PPP2R3A: variants seen among roughly 807,000 people sequenced by gnomAD.
PPP2R3A encodes protein phosphatase 2 regulatory subunit B''alpha.
In PPP2R3A, 80 loss-of-function variants were observed where a neutral mutation model predicts 106.9. The observed-to-expected ratio is 0.75, with a 90% CI of 0.62 to 0.90. The LOEUF (loss-of-function observed/expected upper bound fraction) is 0.90. Among genes scored for constraint, PPP2R3A ranks in the 40% least tolerant of loss-of-function variants. The pLI is 0.00. For missense variants in PPP2R3A, 1,386 were observed against 1,350.4 expected, an observed-to-expected ratio of 1.03 and a Z score of -0.41; for synonymous variants, 483 against 468.3, an observed-to-expected ratio of 1.03 and a Z score of -0.41.
chr3:136,079,233 G>A (rs1357714813), intron 7 of PPP2R3A: 1 of 451,676 alleles, frequency 2.2e-6, no homozygotes, highest in South Asian at 1.6e-5. Flanking sequence ...CATCATCACA[G>A]TCAGTGTTGA....
chr3:136,000,635 C>CA (rs1382536464), intron 1 of PPP2R3A, among the ~76,000 whole-genome samples: 1 of 152,044 alleles, frequency 6.6e-6, no homozygotes, highest in African/African-American at 2.4e-5. Context: ...AAGGTTGGTG[C>CA]AGGGACATAG....
At chr3:136,118,995 A>G (rs951469322) in intron 13 of PPP2R3A, among the ~76,000 whole-genome samples, 2 of 152,344 alleles carry the variant, frequency 1.3e-5, no homozygotes, top group East Asian at 3.9e-4. Flanking sequence ...AGTAACAAAA[A>G]CAGCATGATA....
chr3:136,137,817 A>G (rs968898186), intron 13 of PPP2R3A, among the ~76,000 whole-genome samples: 3 of 152,220 alleles, frequency 2.0e-5, no homozygotes, highest in Middle Eastern at 6.8e-3. Flanking sequence ...CTGGGATTAC[A>G]GGCGTGAGCC....
rs1196380294 is a variant in PPP2R3A, at chr3:136,003,115, T to A, written c.1617T>A (p.Phe539Leu). 12 of 1,611,214 alleles carry A rather than the reference T, an allele frequency of 7.4e-6. No homozygotes were observed. The Admixed American group carries it at 2.0e-4, about 27-fold the overall frequency. The change falls in exon 2 of 14, where the codon TTT becomes TTA. Residue 539 changes from phenylalanine (F) to leucine (L), a missense_variant. Transcript: ENST00000264977. Reference protein sequence around the residue: ...EPLAKGKNSNFLNSHSQLTGQ... With the variant: ...EPLAKGKNSNLLNSHSQLTGQ... ...TTGCGAAGGGTAAAAACTCTAATTT[T>A]TTAAATAGTCACAGTCAGTTGACCG...
intron 3 of PPP2R3A, among the ~76,000 whole-genome samples, chr3:136,031,166 G>A (rs1424405465): frequency 6.6e-6 from 1 of 152,078 alleles, no homozygotes; most frequent in Non-Finnish European, 1.5e-5. Flanking sequence ...CAGGGGTAAG[G>A]TGGTATCACA....
At chr3:136,135,082 G>C (rs1263924649) in intron 13 of PPP2R3A, among the ~76,000 whole-genome samples, 3 of 151,322 alleles carry the variant, frequency 2.0e-5, no homozygotes, top group African/African-American at 7.4e-5. Context: ...GTAGCACTGA[G>C]AGAACGTGCC....
At chr3:136,073,752 ATCT>A in intron 6 of PPP2R3A, among the ~76,000 whole-genome samples, 1 of 152,382 alleles carries the variant, frequency 6.6e-6, no homozygotes, top group East Asian at 1.9e-4. Flanking sequence ...TAGACTGGTT[ATCT>A]TCTCCTCAGT....
At chr3:136,019,395 C>T (rs1265857831) in intron 2 of PPP2R3A, among the ~76,000 whole-genome samples, 1 of 152,152 alleles carries the variant, frequency 6.6e-6, no homozygotes, top group African/African-American at 2.4e-5. Flanking sequence ...GTTAGTTCCT[C>T]CAGGAGAAAT....
chr3:136,076,651 A>G (rs1460464074), intron 6 of PPP2R3A, among the ~76,000 whole-genome samples: 1 of 152,168 alleles, frequency 6.6e-6, no homozygotes, highest in African/African-American at 2.4e-5. Flanking sequence ...ACCACCTGAT[A>G]TATAGAAAGC....
intron 13 of PPP2R3A, among the ~76,000 whole-genome samples, chr3:136,126,861 C>G (rs1051983881): frequency 6.6e-6 from 1 of 152,090 alleles, no homozygotes; most frequent in Admixed American, 6.5e-5. Flanking sequence ...CTGGTGATAC[C>G]CCGGCAAACA....
chr3:135,982,697 G>T (rs953832460), intron 1 of PPP2R3A, among the ~76,000 whole-genome samples: 4 of 152,050 alleles, frequency 2.6e-5, no homozygotes, highest in Non-Finnish European at 4.4e-5. Context: ...CTCCCCTTTG[G>T]ATTCTTGAAG....
At position 136,089,620 on chromosome 3, in the gene PPP2R3A, T is replaced by TA. The variant is rs891885941; in HGVS notation, c.2838-949dup. 1.3e-4 allele frequency among the ~76,000 whole-genome samples: 20 copies of TA among 151,112 alleles called. No homozygotes were observed. The East Asian group carries it at 1.4e-3, about 10-fold the overall frequency. On this transcript the variant is annotated intron_variant, in intron 9 of 13. Transcript: ENST00000264977. ...AATGGTGTTGTTTTTTTTTTTTTCT[T>TA]AAAAAAAAACTAGTCTGTGAAAAAC... is the stretch of plus-strand genomic sequence containing the variant.
intron 1 of PPP2R3A, among the ~76,000 whole-genome samples, chr3:135,976,830 T>TAAA (rs1229775358): frequency 6.6e-6 from 1 of 152,172 alleles, no homozygotes; most frequent in Non-Finnish European, 1.5e-5. Flanking sequence ...GATATTTAAG[T>TAAA]TCATCTGAAA....
chr3:136,141,143 A>C (rs1206369259), intron 13 of PPP2R3A, among the ~76,000 whole-genome samples: 1 of 152,248 alleles, frequency 6.6e-6, no homozygotes, highest in Middle Eastern at 3.2e-3. Flanking sequence ...TAATTATGTA[A>C]ATATGAAGGA....
chr3:136,062,640 C>A (rs1240987453), intron 5 of PPP2R3A, among the ~76,000 whole-genome samples: 1 of 151,032 alleles, frequency 6.6e-6, no homozygotes, highest in Non-Finnish European at 1.5e-5. Flanking sequence ...ATGGCGTGAA[C>A]CTGGGAGGCG....
intron 7 of PPP2R3A, among the ~76,000 whole-genome samples, chr3:136,081,382 T>C (rs994658585): frequency 6.6e-6 from 1 of 152,202 alleles, no homozygotes; most frequent in African/African-American, 2.4e-5. Flanking sequence ...CATCTTTTTT[T>C]TAACCTTCCT....
chr3:135,988,691 C>T (rs1933030057), intron 1 of PPP2R3A, among the ~76,000 whole-genome samples: 1 of 152,158 alleles, frequency 6.6e-6, no homozygotes, highest in Non-Finnish European at 1.5e-5. Context: ...TTTCCCCTAA[C>T]CCACCCACTG....
At chr3:135,981,405 A>G (rs1937537531) in intron 1 of PPP2R3A, among the ~76,000 whole-genome samples, 1 of 151,778 alleles carries the variant, frequency 6.6e-6, no homozygotes, top group Non-Finnish European at 1.5e-5. Flanking sequence ...ATGAAGCTGA[A>G]CAACTCTCAG....
intron 13 of PPP2R3A, among the ~76,000 whole-genome samples, chr3:136,126,746 C>G (rs371194395): frequency 6.6e-6 from 1 of 152,190 alleles, no homozygotes; most frequent in East Asian, 1.9e-4. Flanking sequence ...TAGGGGCCGA[C>G]AGATACCTCA....
Sources: gnomAD v4.1 joint callset for allele counts (sites outside exome capture counted in the v4.1 genomes callset) on GRCh38, gnomAD v4.1.1 for gene constraint, MANE v1.5 for transcripts, NCBI Gene and HGNC (gene_info 2026-07-23, HGNC 2026-07-21) for gene names.